Variants in SSX2IP observed in about 807,000 individuals in gnomAD.
SSX2IP encodes the protein SSX family member 2 interacting protein.
In SSX2IP, 55 loss-of-function variants were observed where a neutral mutation model predicts 84.9. The ratio of observed to expected loss-of-function variants is 0.65; its 90% CI spans 0.52 to 0.81. The LOEUF is 0.81. Ranked by LOEUF, SSX2IP falls within the 30% of genes least tolerant of loss-of-function variation. The pLI is 0.00. For synonymous variants in SSX2IP, 239 were observed against 234.7 expected, an observed-to-expected ratio of 1.02 and a Z score of -0.17; for missense variants, 664 against 705.2, an observed-to-expected ratio of 0.94 and a Z score of 0.66.
chr1:84,690,742 G>C (rs2102685402), upstream of SSX2IP: 1 of 151,860 alleles, frequency 6.6e-6, no homozygotes, highest in Middle Eastern at 3.4e-3. Flanking sequence ...GCGCAGCTGC[G>C]GCTGCGGCAC....
intron 9 of SSX2IP, among the ~76,000 whole-genome samples, chr1:84,658,006 G>A (rs953401588): frequency 6.6e-6 from 1 of 151,984 alleles, no homozygotes; most frequent in South Asian, 2.1e-4. Context: ...GCTATGATGT[G>A]CGCCTATAGT....
intron 11 of SSX2IP, chr1:84,655,418 CAAT>C (rs1183684938): frequency 7.8e-7 from 1 of 1,287,832 alleles, no homozygotes; most frequent in Non-Finnish European, 1.0e-6. Context: ...GTATATATAA[CAAT>C]GATGGACTGG....
At chr1:84,670,532 C>G (rs890539933) in intron 3 of SSX2IP, 114 bp downstream of exon 3, 2 of 669,560 alleles carry the variant, frequency 3.0e-6, no homozygotes, top group African/African-American at 3.7e-5. Flanking sequence ...ATCTAAGTCT[C>G]AGGGGCACTA....
chr1:84,687,300 TG>T (rs1398919485), intron 1 of SSX2IP, among the ~76,000 whole-genome samples: 4 of 152,374 alleles, frequency 2.6e-5, no homozygotes, highest in Non-Finnish European at 5.9e-5. Context: ...AAGATTGTTC[TG>T]AATGTTTAAC....
chr1:84,657,155 T>C (rs1231271173), intron 9 of SSX2IP, among the ~76,000 whole-genome samples: 2 of 152,170 alleles, frequency 1.3e-5, no homozygotes, highest in African/African-American at 4.8e-5. Context: ...GAAATCTTCA[T>C]TTTCCTAGTT....
At chr1:84,683,257 C>T (rs1041623331) in intron 1 of SSX2IP, among the ~76,000 whole-genome samples, 7 of 151,926 alleles carry the variant, frequency 4.6e-5, no homozygotes, top group Admixed American at 1.3e-4. Context: ...GTTATTTGTC[C>T]TAATGCTCTT....
chr1:84,660,884 C>A (rs1482660245), intron 8 of SSX2IP, among the ~76,000 whole-genome samples: 1 of 110,384 alleles, frequency 9.1e-6, no homozygotes, highest in African/African-American at 3.3e-5. Flanking sequence ...AACCCCGTCT[C>A]TACTAAAATA....
intron 13 of SSX2IP, 50 bp downstream of exon 13, chr1:84,650,312 A>G (rs777632161): frequency 6.2e-7 from 1 of 1,600,468 alleles, no homozygotes; most frequent in South Asian, 1.1e-5. Context: ...TAGCAGTGCA[A>G]CTTTAGCAAT....
chr1:84,684,154 G>C (rs1288511433), intron 1 of SSX2IP, among the ~76,000 whole-genome samples: 5 of 152,068 alleles, frequency 3.3e-5, no homozygotes, highest in Non-Finnish European at 5.9e-5. Flanking sequence ...TTCAATCATT[G>C]GTTATAGTTG....
chr1:84,661,582 AG>A (rs1318883453), intron 8 of SSX2IP, among the ~76,000 whole-genome samples: 30 of 152,194 alleles, frequency 2.0e-4, no homozygotes, highest in African/African-American at 5.5e-4. Context: ...TCCCAAAAAG[AG>A]CTTCTTGAGG....
intron 1 of SSX2IP, among the ~76,000 whole-genome samples, chr1:84,685,122 C>CAT (rs1186956676): frequency 3.3e-5 from 5 of 152,128 alleles, no homozygotes; most frequent in Non-Finnish European, 5.9e-5. Context: ...GCTTTAAATA[C>CAT]ATATATATAA....
Position 84,658,309 on chromosome 1 carries a change from A to C in SSX2IP, c.1078+9T>G, listed in dbSNP as rs1378089254. 2 of 1,613,872 alleles carry C rather than the reference A, an allele frequency of 1.2e-6. No homozygotes were observed. The highest frequency in any genetic ancestry group is 8.5e-7 in the Non-Finnish European group (1 of 1,179,938). On this transcript the variant is annotated intron_variant, in intron 9 of 13. Transcript: ENST00000342203. The stretch of plus-strand genomic sequence containing the variant: ...CAACTCACTTTACATGCATAGAAGC[A>C]GTGGTTACCTTGGTTATCAAGCTTT...
At chr1:84,681,413 G>T (rs1225122725) in intron 1 of SSX2IP, among the ~76,000 whole-genome samples, 33 of 152,146 alleles carry the variant, frequency 2.2e-4, no homozygotes. Context: ...GAAGTTACAG[G>T]TTAATTAGAA....
At chr1:84,649,025 CT>C (rs1404665704) in intron 13 of SSX2IP, among the ~76,000 whole-genome samples, 1 of 152,144 alleles carries the variant, frequency 6.6e-6, no homozygotes, top group Non-Finnish European at 1.5e-5. Flanking sequence ...AAACTTAAGA[CT>C]TTTTTTCACT....
chr1:84,658,215 A>G lies in SSX2IP; in HGVS notation c.1078+103T>C, dbSNP rs1199481375. 6.4e-6 allele frequency: 8 copies of G among 1,248,058 alleles called. No individual in the cohort carries two copies. In the East Asian group the frequency reaches 1.6e-4, roughly 26 times the overall value. The allele number at this position is 1,248,058 out of a possible 1,614,324, so 77.3% of individuals were successfully genotyped here. A position where few individuals can be genotyped will look rare whatever the true frequency, so the allele number is the denominator to read the frequency against. On this transcript the variant is annotated intron_variant, in intron 9 of 13. Coordinates refer to ENST00000342203, the MANE Select transcript of SSX2IP (RefSeq NM_001166293.2). ...CTTTCAAACCACCAAACTGAAGTAT[A>G]GTACTTTAGCTCTGAGCCTATAATG...
In SSX2IP at chr1:84,662,607, G is replaced by C. The variant is rs1246547517; in HGVS notation, c.674-77C>G. The stretch of plus-strand genomic sequence containing the variant: ...TAAAACTCTAATGCATTCTATACAC[G>C]TAAGTGGTGAAAGTGAACCTGGTAT... On this transcript the variant is annotated intron_variant, in intron 6 of 13. Coordinates refer to ENST00000342203, the MANE Select transcript of SSX2IP (RefSeq NM_001166293.2). The C allele has an allele frequency of 4.0e-6, 6 of 1,486,200 alleles. No homozygotes were observed. The South Asian group carries it at 4.8e-5, about 12-fold the overall frequency. 92.1% of individuals were successfully genotyped at this position (1,486,200 alleles called of 1,614,324 possible).
intron 1 of SSX2IP, among the ~76,000 whole-genome samples, chr1:84,679,843 A>G (rs546988262): frequency 1.3e-5 from 2 of 152,288 alleles, no homozygotes; most frequent in East Asian, 3.9e-4. Flanking sequence ...CAGGTAAGGA[A>G]ATTGAGGCAG....
intron 11 of SSX2IP, among the ~76,000 whole-genome samples, chr1:84,654,825 A>G (rs569014815): frequency 2.0e-5 from 3 of 152,278 alleles, no homozygotes; most frequent in African/African-American, 7.2e-5. Flanking sequence ...CCTGGATTGT[A>G]TTAGAGGACA....
chr1:84,670,533 A>G (rs1653421147), intron 3 of SSX2IP, 113 bp downstream of exon 3: 3 of 668,300 alleles, frequency 4.5e-6, no homozygotes, highest in East Asian at 6.1e-5. Flanking sequence ...TCTAAGTCTC[A>G]GGGGCACTAC....
Sources: gnomAD v4.1 joint callset for allele counts (sites outside exome capture counted in the v4.1 genomes callset) on GRCh38, gnomAD v4.1.1 for gene constraint, MANE v1.5 for transcripts, NCBI Gene and HGNC (gene_info 2026-07-23, HGNC 2026-07-21) for gene names.